Variants in CNTNAP2 observed in about 807,000 individuals in gnomAD.
The protein encoded by CNTNAP2 is contactin associated protein 2, also known as contactin-associated protein-like 2.
CNTNAP2 carries 98 observed loss-of-function variants against 155.2 expected under a neutral mutation model. The observed-to-expected ratio is 0.63, with a 90% CI of 0.54 to 0.75. The LOEUF (loss-of-function observed/expected upper bound fraction) is 0.75, where lower values mean the gene tolerates loss of function less well. CNTNAP2 is among the 30% of genes least tolerant of loss of function. The pLI is 0.00. For missense variants in CNTNAP2, 1,727 were observed against 1,688.1 expected (o/e 1.02, Z -0.40); for synonymous variants, 651 against 631.2 (o/e 1.03, Z -0.47).
At position 147,694,120 on chromosome 7, in the gene CNTNAP2, TTTCTC is replaced by T. The variant is rs139691270; in HGVS notation, c.2098+54818_2098+54822del. 6.8e-3 allele frequency among the ~76,000 whole-genome samples: 1,034 copies of T among 152,244 alleles called. 11 individuals are homozygous for T. The highest frequency in any genetic ancestry group is 0.023 in the African/African-American group (974 of 41,572). ...TTTATCTCTTGATATGATCATGTGA[TTTCTC>T]TTCCTTAACCCATTGATATGATGGA... On this transcript the variant is annotated intron_variant, in intron 13 of 23. Coordinates refer to ENST00000361727, the MANE Select transcript of CNTNAP2 (RefSeq NM_014141.6).
At chr7:147,156,845 T>C (rs1005648473) in intron 8 of CNTNAP2, among the ~76,000 whole-genome samples, 1 of 152,158 alleles carries the variant, frequency 6.6e-6, no homozygotes, top group Non-Finnish European at 1.5e-5. Context: ...AGGAGATTGT[T>C]ACTTTTACCT....
chr7:146,247,406 A>G (rs1460636833), intron 1 of CNTNAP2, among the ~76,000 whole-genome samples: 14 of 152,112 alleles, frequency 9.2e-5, no homozygotes, highest in Admixed American at 9.2e-4. Flanking sequence ...GTGGAGGCTG[A>G]GGAAGAATTG....
intron 11 of CNTNAP2, among the ~76,000 whole-genome samples, chr7:147,549,857 A>G (rs1029602001): frequency 2.6e-5 from 4 of 152,184 alleles, no homozygotes; most frequent in Admixed American, 2.6e-4. Flanking sequence ...AATCAGAGCT[A>G]TTTATTTAAA....
At chr7:146,701,605 C>A (rs576256674) in intron 1 of CNTNAP2, among the ~76,000 whole-genome samples, 38 of 152,122 alleles carry the variant, frequency 2.5e-4, no homozygotes, top group Middle Eastern at 3.4e-3. Context: ...TAATTTCAAT[C>A]CTACAGGCAT....
intron 21 of CNTNAP2, among the ~76,000 whole-genome samples, chr7:148,323,604 A>C (rs1206111316): frequency 6.6e-6 from 1 of 151,686 alleles, no homozygotes; most frequent in Non-Finnish European, 1.5e-5. Context: ...ATTACATCTA[A>C]CTCCGTTGGA....
chr7:147,781,352 C>T (rs973774099), intron 13 of CNTNAP2, among the ~76,000 whole-genome samples: 5 of 152,164 alleles, frequency 3.3e-5, no homozygotes, highest in Admixed American at 2.0e-4. Context: ...GTGGTAATGG[C>T]AAATAAGTCA....
rs139245367 is a variant in CNTNAP2 at position 147,422,794 on chromosome 7, T to A, written c.1670+27014T>A. On this transcript the variant is annotated intron_variant, in intron 10 of 23. Transcript: ENST00000361727. ...ACCTCCTGTGGCATTATATTTGTAG[T>A]AAATGTAGTTTTTCAAAACCCTTTA... Among the ~76,000 whole-genome samples the A allele has an allele frequency of 4.9e-4, 74 of 152,320 alleles. No individual in the cohort carries two copies. In the East Asian group the frequency reaches 0.014, roughly 29 times the overall value.
chr7:146,969,777 G>T (rs917296318), intron 3 of CNTNAP2, among the ~76,000 whole-genome samples: 2 of 152,092 alleles, frequency 1.3e-5, no homozygotes, highest in Non-Finnish European at 2.9e-5. Context: ...AAAGAACACA[G>T]CTGGAGGTAT....
Position 147,318,670 on chromosome 7 carries a change from G to A in CNTNAP2, c.1498+18380G>A, listed in dbSNP as rs115059982. 8.5e-3 allele frequency among the ~76,000 whole-genome samples: 1,298 copies of A among 151,990 alleles called. 24 individuals carry two copies. Among genetic ancestry groups the A allele is most frequent in the African/African-American group, 0.03 (1,226 of 41,466 alleles). On this transcript the variant is annotated intron_variant, in intron 9 of 23. Coordinates refer to ENST00000361727, the MANE Select transcript of CNTNAP2 (RefSeq NM_014141.6). ...CACACACTGGGGCCTATCGGGAGGT[G>A]GGGGGCAAGGGGAGGGAGAGCAATA...
chr7:146,469,389 A>G (rs1041289080), intron 1 of CNTNAP2, among the ~76,000 whole-genome samples: 3 of 152,098 alleles, frequency 2.0e-5, no homozygotes, highest in African/African-American at 7.2e-5. Context: ...TTAAAAAAAA[A>G]AAATAGTGCC....
chr7:148,412,240 T>G (rs1014590037), intron 23 of CNTNAP2, among the ~76,000 whole-genome samples: 1 of 152,222 alleles, frequency 6.6e-6, no homozygotes, highest in African/African-American at 2.4e-5. Flanking sequence ...GCTCCCGGCC[T>G]GTTGTATCTT....
At chr7:147,482,229 GA>G (rs1169168204) in intron 10 of CNTNAP2, among the ~76,000 whole-genome samples, 1 of 152,092 alleles carries the variant, frequency 6.6e-6, no homozygotes, top group African/African-American at 2.4e-5. Flanking sequence ...TGGAAATACA[GA>G]AGAAATAATA....
At chr7:147,604,312 A>C (rs903559996) in intron 12 of CNTNAP2, among the ~76,000 whole-genome samples, 5 of 152,142 alleles carry the variant, frequency 3.3e-5, no homozygotes, top group African/African-American at 4.8e-5. Flanking sequence ...GAAAATTTTC[A>C]CAACCTACTC....
chr7:147,498,428 T>C (rs1798750493), intron 11 of CNTNAP2, among the ~76,000 whole-genome samples: 1 of 152,232 alleles, frequency 6.6e-6, no homozygotes, highest in Admixed American at 6.5e-5. Context: ...TTTCCTGCAG[T>C]GTGATTGCCA....
chr7:147,619,563 T>C (rs1452907445), intron 12 of CNTNAP2, among the ~76,000 whole-genome samples: 1 of 152,198 alleles, frequency 6.6e-6, no homozygotes, highest in Non-Finnish European at 1.5e-5. Flanking sequence ...TGGCCCGTTG[T>C]GGTGATGACC....
intron 11 of CNTNAP2, among the ~76,000 whole-genome samples, chr7:147,547,242 A>C (rs577877292): frequency 6.6e-6 from 1 of 152,276 alleles, no homozygotes; most frequent in African/African-American, 2.4e-5. Context: ...CCAAGGCAAT[A>C]ATTGATATTA....
rs1341642575 is a variant in CNTNAP2, at chr7:148,168,820, A to T, written c.2774-3422A>T. 3.9e-5 allele frequency among the ~76,000 whole-genome samples: 6 copies of T among 152,254 alleles called. No individual in the cohort carries two copies. In the East Asian group the frequency reaches 1.2e-3, roughly 29 times the overall value. Reference sequence around the variant, plus strand: ...TGAAATACCAATTGTTTCCAAATTAAAATACATCCCAGATAGACAAAAGGT... The same window carrying T: ...TGAAATACCAATTGTTTCCAAATTATAATACATCCCAGATAGACAAAAGGT... On this transcript the variant is annotated intron_variant, in intron 17 of 23. Coordinates refer to ENST00000361727, the MANE Select transcript of CNTNAP2 (RefSeq NM_014141.6).
At chr7:148,005,447 G>A (rs1182076004) in intron 15 of CNTNAP2, among the ~76,000 whole-genome samples, 1 of 152,080 alleles carries the variant, frequency 6.6e-6, no homozygotes, top group Non-Finnish European at 1.5e-5. Context: ...GACATCATGG[G>A]CTCTATGTGT....
At chr7:147,943,652 C>G (rs913009369) in intron 14 of CNTNAP2, among the ~76,000 whole-genome samples, 4 of 151,024 alleles carry the variant, frequency 2.6e-5, no homozygotes, top group Admixed American at 2.0e-4. Flanking sequence ...GCTTGTAATC[C>G]CAACTACTTG....
Sources: gnomAD v4.1 joint callset for allele counts (sites outside exome capture counted in the v4.1 genomes callset) on GRCh38, gnomAD v4.1.1 for gene constraint, MANE v1.5 for transcripts, NCBI Gene and HGNC (gene_info 2026-07-23, HGNC 2026-07-21) for gene names.